IKBKB: variants seen among roughly 807,000 people sequenced by gnomAD.
The protein encoded by IKBKB is inhibitor of nuclear factor kappa B kinase subunit beta, also known as inhibitor of nuclear factor kappa-B kinase subunit beta.
IKBKB carries 42 observed loss-of-function variants against 113.6 expected under a neutral mutation model. The ratio of observed to expected loss-of-function variants is 0.37; its 90% CI spans 0.29 to 0.48. IKBKB has a LOEUF of 0.48. IKBKB is among the 20% of genes least tolerant of loss of function. The pLI is 0.99. For missense variants in IKBKB, 673 were observed against 939.7 expected (o/e 0.72, Z 3.71); for synonymous variants, 296 against 361.3 (o/e 0.82, Z 2.05).
At position 42,331,112 on chromosome 8, in the gene IKBKB, A is replaced by C. The variant is rs568751975; in HGVS notation, c.*133A>C. ...GGGGCTGCCTGGCCGCGGCTCTCAC[A>C]TGGTGGTTCCTGCTGCACTGATGGC... On this transcript the variant is annotated 3_prime_UTR_variant, in exon 22 of 22. Transcript: ENST00000520810. 3 of 1,371,610 alleles carry C rather than the reference A, an allele frequency of 2.2e-6. No individual in the cohort carries two copies. The highest frequency in any genetic ancestry group is 2.0e-5 in the Admixed American group (1 of 51,074). 85.0% of individuals were successfully genotyped at this position (1,371,610 alleles called of 1,614,324 possible).
At chr8:42,314,218 T>C in intron 8 of IKBKB, 104 bp from the exon 9 acceptor site, 1 of 825,310 alleles carries the variant, frequency 1.2e-6, no homozygotes, top group Non-Finnish European at 2.1e-6. Context: ...TCTAGGTTTG[T>C]GTTATGTTCA....
intron 19 of IKBKB, 63 bp from the exon 20 acceptor site, chr8:42,325,907 T>C (rs1181031025): frequency 1.2e-6 from 2 of 1,602,274 alleles, no homozygotes; most frequent in Non-Finnish European, 1.7e-6. Flanking sequence ...GAAAATACTG[T>C]GGCGTGAATG....
intron 18 of IKBKB, 48 bp from the exon 19 acceptor site, chr8:42,322,299 C>CT: frequency 1.9e-6 from 3 of 1,611,836 alleles, no homozygotes; most frequent in Non-Finnish European, 2.5e-6. Flanking sequence ...ACAGGTTCTG[C>CT]TTTCTCCAGC....
chr8:42,273,631 C>T (rs576530472), intron 2 of IKBKB, among the ~76,000 whole-genome samples: 1 of 151,948 alleles, frequency 6.6e-6, no homozygotes, highest in East Asian at 1.9e-4. Flanking sequence ...GTCTCAAACT[C>T]TCATCCTCAA....
intron 2 of IKBKB, among the ~76,000 whole-genome samples, chr8:42,279,205 TGAG>T (rs1408958921): frequency 3.3e-5 from 5 of 152,348 alleles, no homozygotes; most frequent in Non-Finnish European, 5.9e-5. Flanking sequence ...CTTTGGGTGC[TGAG>T]GAGAAGTCTT....
At chr8:42,272,350 T>C in intron 2 of IKBKB, 145 bp downstream of exon 2, 1 of 1,039,194 alleles carries the variant, frequency 9.6e-7, no homozygotes, top group Non-Finnish European at 1.5e-6. Context: ...GGAAGAGGGC[T>C]TCAGGACTTC....
At chr8:42,302,850 A>G (rs1427446558) in intron 5 of IKBKB, among the ~76,000 whole-genome samples, 1 of 152,044 alleles carries the variant, frequency 6.6e-6, no homozygotes, top group African/African-American at 2.4e-5. Context: ...AACTCCTTTA[A>G]TAAGGTGGAA....
At chr8:42,293,791 T>A (rs558093348) in intron 5 of IKBKB, among the ~76,000 whole-genome samples, 1 of 152,258 alleles carries the variant, frequency 6.6e-6, no homozygotes, top group South Asian at 2.1e-4. Context: ...ATTATAAAGC[T>A]CCCCTCCCTC....
At chr8:42,299,293 T>C (rs757090240) in intron 5 of IKBKB, among the ~76,000 whole-genome samples, 2 of 152,158 alleles carry the variant, frequency 1.3e-5, no homozygotes, top group Non-Finnish European at 2.9e-5. Flanking sequence ...GCTGATTCAA[T>C]GTCAGAGCAA....
chr8:42,322,248 G>A (rs1819916257), intron 18 of IKBKB, 95 bp downstream of exon 18: 1 of 1,568,890 alleles, frequency 6.4e-7, no homozygotes, highest in African/African-American at 1.4e-5. Flanking sequence ...TGGACCTCAT[G>A]AAGAGAGTTT....
chr8:42,298,443 C>T lies in IKBKB; in HGVS notation c.388+4931C>T, dbSNP rs190410439. The T allele has an allele frequency of 3.6e-5, 35 of 985,426 alleles. No individual in the cohort carries two copies. In the East Asian group the frequency reaches 3.4e-3, roughly 96 times the overall value. The allele number at this position is 985,426 out of a possible 1,614,324, so 61.0% of individuals were successfully genotyped here. On this transcript the variant is annotated intron_variant, in intron 5 of 21. Coordinates refer to ENST00000520810, the MANE Select transcript of IKBKB (RefSeq NM_001556.3). ...AAAGAACAGAGGGTTTCAGAGAAAA[C>T]ATTTGGCTTTGGGGAAGAGAGCTCC... is the stretch of plus-strand genomic sequence containing the variant.
chr8:42,279,030 G>C (rs915052789), intron 2 of IKBKB, among the ~76,000 whole-genome samples: 2 of 152,118 alleles, frequency 1.3e-5, no homozygotes, highest in African/African-American at 2.4e-5. Flanking sequence ...TTTAAGGGGT[G>C]GAATTAACAG....
intron 16 of IKBKB, chr8:42,321,057 G>A (rs1030851467): frequency 8.7e-6 from 4 of 459,844 alleles, no homozygotes; most frequent in Non-Finnish European, 1.1e-5. Context: ...GAAGTTGTAA[G>A]GATGAATTCA....
chr8:42,315,427 T>C (rs1818488905), intron 9 of IKBKB, among the ~76,000 whole-genome samples: 1 of 152,032 alleles, frequency 6.6e-6, no homozygotes, highest in African/African-American at 2.4e-5. Context: ...AGGGGAAAGA[T>C]TGAGGTGAGC....
At chr8:42,304,685 A>T (rs535966343) in intron 5 of IKBKB, among the ~76,000 whole-genome samples, 1 of 152,236 alleles carries the variant, frequency 6.6e-6, no homozygotes. Context: ...ACTGTCGATC[A>T]TATGACCATA....
Position 42,331,416 on chromosome 8 carries a change from G to C in IKBKB, c.*437G>C. 1.4e-6 allele frequency: 1 copy of C among 702,712 alleles called. No homozygotes were observed. Among genetic ancestry groups the C allele is most frequent in the Non-Finnish European group, 2.6e-6 (1 of 385,004 alleles). The allele number at this position is 702,712 out of a possible 1,614,324, so 43.5% of individuals were successfully genotyped here. ...ATTCAAATCTTTCAGGGCAGAGTCC[G>C]AGCAGCGCTTGGTGACAGCCTGTCC... On this transcript the variant is annotated 3_prime_UTR_variant, in exon 22 of 22. Transcript: ENST00000520810.
chr8:42,322,442 G>C lies in IKBKB; in HGVS notation c.1934G>C (p.Arg645Pro). 1.9e-6 allele frequency: 3 copies of C among 1,613,974 alleles called. No individual in the cohort carries two copies. Among genetic ancestry groups the C allele is most frequent in the Non-Finnish European group, 2.5e-6 (3 of 1,180,012 alleles). The change falls in exon 19 of 22, where the codon CGG becomes CCG. Residue 645 changes from arginine to proline, a missense_variant. Coordinates refer to ENST00000520810, the MANE Select transcript of IKBKB (RefSeq NM_001556.3). ...AATGAGGATGAGAAGACTGTTGTCC[G>C]GCTGCAGGAGAAGCGGCAGAAGGAG... ...LMNEDEKTVV[R>P]LQEKRQKELW...
intron 5 of IKBKB, among the ~76,000 whole-genome samples, chr8:42,296,968 C>T (rs1338549675): frequency 6.6e-6 from 1 of 152,200 alleles, no homozygotes; most frequent in Non-Finnish European, 1.5e-5. Flanking sequence ...ATTTCCTTCC[C>T]GCTCTGGATT....
intron 2 of IKBKB, among the ~76,000 whole-genome samples, chr8:42,273,144 C>T (rs1030679370): frequency 2.0e-5 from 3 of 151,172 alleles, no homozygotes; most frequent in Non-Finnish European, 4.4e-5. Context: ...ATGTCGGGTG[C>T]AGTGGCTTAC....
Sources: gnomAD v4.1 joint callset for allele counts (sites outside exome capture counted in the v4.1 genomes callset) on GRCh38, gnomAD v4.1.1 for gene constraint, MANE v1.5 for transcripts, NCBI Gene and HGNC (gene_info 2026-07-23, HGNC 2026-07-21) for gene names.